Variants in VPS50 observed in about 807,000 individuals in gnomAD.
VPS50 encodes VPS50 subunit of EARP/GARPII complex, also known as syndetin.
In VPS50, 70 loss-of-function variants were observed where a neutral mutation model predicts 139.7. The ratio of observed to expected loss-of-function variants is 0.50; its 90% CI spans 0.41 to 0.61. The LOEUF (loss-of-function observed/expected upper bound fraction) is 0.61, where lower values mean the gene tolerates loss of function less well. Among genes scored for constraint, VPS50 ranks in the 20% least tolerant of loss-of-function variants. The probability of loss-of-function intolerance (pLI) is 0.00; values close to 1 mark genes in which losing one functional copy is unlikely to be tolerated. For missense variants in VPS50, 921 were observed against 1,133.7 expected (o/e 0.81, Z 2.69); for synonymous variants, 365 against 376.7 (o/e 0.97, Z 0.36).
chr7:93,249,304 C>CAGAG (rs994697486), intron 2 of VPS50, among the ~76,000 whole-genome samples: 1 of 149,282 alleles, frequency 6.7e-6, no homozygotes, highest in East Asian at 2.0e-4. Context: ...GAGAGAGACA[C>CAGAG]AGAGAGAGAG....
intron 6 of VPS50, 195 bp downstream of exon 6, chr7:93,257,659 G>T (rs896124894): frequency 3.1e-4 from 124 of 400,214 alleles, no homozygotes; most frequent in Non-Finnish European, 4.5e-4. Flanking sequence ...GTACTTATGG[G>T]TTTTAAAAAA....
At chr7:93,298,817 A>G (rs556107751) in intron 16 of VPS50, among the ~76,000 whole-genome samples, 12 of 152,302 alleles carry the variant, frequency 7.9e-5, no homozygotes, top group South Asian at 4.1e-4. Context: ...TTTCTCATTG[A>G]TGTGGCTGTG....
intron 2 of VPS50, among the ~76,000 whole-genome samples, chr7:93,250,928 A>T (rs1486582405): frequency 6.6e-6 from 1 of 152,236 alleles, no homozygotes; most frequent in Non-Finnish European, 1.5e-5. Flanking sequence ...ATATGAAAAA[A>T]AGCTCATCAT....
intron 25 of VPS50, among the ~76,000 whole-genome samples, chr7:93,353,138 A>G (rs1798604896): frequency 6.6e-6 from 1 of 152,174 alleles, no homozygotes; most frequent in African/African-American, 2.4e-5. Context: ...TAGATAAGGC[A>G]TCCTCAACCC....
At chr7:93,268,753 T>TTCTTTGCTATTCACATG (rs879702287) in intron 9 of VPS50, among the ~76,000 whole-genome samples, 2 of 152,138 alleles carry the variant, frequency 1.3e-5, no homozygotes, top group East Asian at 1.9e-4. Context: ...TTGACTCCAT[T>TTCTTTGCTATTCACATG]TCTTTGCTAT....
rs548264030 is a variant in VPS50 at position 93,331,368 on chromosome 7, C to G, written c.1978-2749C>G. On this transcript the variant is annotated intron_variant, in intron 21 of 27. Coordinates refer to ENST00000305866, the MANE Select transcript of VPS50 (RefSeq NM_017667.4). ...ATACCTGATTTCACAAAGACTTACTCCAGAGCTACAGTAGTTGATAAAATG... is the reference window on the plus strand; with the variant it reads ...ATACCTGATTTCACAAAGACTTACTGCAGAGCTACAGTAGTTGATAAAATG... 4.0e-5 allele frequency among the ~76,000 whole-genome samples: 6 copies of G among 151,896 alleles called. No homozygotes were observed. The South Asian group carries it at 1.2e-3, about 32-fold the overall frequency.
intron 21 of VPS50, among the ~76,000 whole-genome samples, chr7:93,324,356 A>G (rs1797706015): frequency 6.6e-6 from 1 of 152,042 alleles, no homozygotes. Context: ...GGGCATCCCT[A>G]TCTTGTGCCA....
chr7:93,292,293 T>A (rs1796670807), intron 13 of VPS50, among the ~76,000 whole-genome samples: 2 of 152,092 alleles, frequency 1.3e-5, no homozygotes, highest in Non-Finnish European at 2.9e-5. Context: ...AAGACTAGAA[T>A]TTCATTTTCA....
intron 1 of VPS50, among the ~76,000 whole-genome samples, chr7:93,237,738 G>C (rs1794857999): frequency 6.6e-6 from 1 of 152,098 alleles, no homozygotes. Context: ...CACTTATAAT[G>C]GGTTTAAAAA....
intron 21 of VPS50, among the ~76,000 whole-genome samples, chr7:93,328,402 G>A (rs1208460668): frequency 2.0e-5 from 3 of 152,016 alleles, no homozygotes; most frequent in Non-Finnish European, 4.4e-5. Context: ...TTAGTAAAAC[G>A]GTTTCTTTGT....
At chr7:93,290,499 C>T (rs920502083) in intron 12 of VPS50, among the ~76,000 whole-genome samples, 1 of 150,544 alleles carries the variant, frequency 6.6e-6, no homozygotes, top group Admixed American at 6.6e-5. Flanking sequence ...TTCTTATTTC[C>T]TCATATGTTT....
chr7:93,238,699 C>G (rs1384578470), intron 1 of VPS50, among the ~76,000 whole-genome samples: 1 of 152,020 alleles, frequency 6.6e-6, no homozygotes, highest in East Asian at 1.9e-4. Context: ...TTAACAAGTT[C>G]CCTGGGTGGT....
At chr7:93,327,577 A>G (rs1425133862) in intron 21 of VPS50, among the ~76,000 whole-genome samples, 1 of 152,222 alleles carries the variant, frequency 6.6e-6, no homozygotes, top group Non-Finnish European at 1.5e-5. Context: ...CTGATATTTT[A>G]TATTTAAACC....
At chr7:93,324,291 C>A (rs1267599802) in intron 21 of VPS50, among the ~76,000 whole-genome samples, 2 of 152,140 alleles carry the variant, frequency 1.3e-5, no homozygotes, top group African/African-American at 4.8e-5. Context: ...CCTTCTCCTG[C>A]CTAATTGCCC....
At chr7:93,288,166 G>T (rs1305119626) in intron 12 of VPS50, among the ~76,000 whole-genome samples, 1 of 152,064 alleles carries the variant, frequency 6.6e-6, no homozygotes, top group African/African-American at 2.4e-5. Context: ...GGGGAAAACC[G>T]CCCCGCCCTT....
Position 93,256,380 on chromosome 7 carries a change from G to A in VPS50, c.298-129G>A. 8.1e-6 allele frequency: 4 copies of A among 494,426 alleles called. No homozygotes were observed. The South Asian group carries it at 1.3e-4, about 16-fold the overall frequency. The allele number at this position is 494,426 out of a possible 1,614,324, so 30.6% of individuals were successfully genotyped here. A position where few individuals can be genotyped will look rare whatever the true frequency, so the allele number is the denominator to read the frequency against. The stretch of plus-strand genomic sequence containing the variant: ...AGGGAAATGTGTATGGCCATAGTAT[G>A]CCAATATCTGCTCCCAAAGTTATTG... On this transcript the variant is annotated intron_variant, in intron 4 of 27. Transcript: ENST00000305866.
intron 27 of VPS50, among the ~76,000 whole-genome samples, chr7:93,357,991 A>G (rs1199382820): frequency 6.6e-6 from 1 of 152,174 alleles, no homozygotes; most frequent in Non-Finnish European, 1.5e-5. Context: ...TGATGACTCA[A>G]TAACAAAGAC....
intron 2 of VPS50, among the ~76,000 whole-genome samples, chr7:93,249,359 GA>G (rs983614841): frequency 1.3e-5 from 2 of 150,484 alleles, no homozygotes; most frequent in African/African-American, 2.4e-5. Flanking sequence ...CTTTACAGGT[GA>G]AAAAAAAACT....
At chr7:93,339,975 C>T in intron 22 of VPS50, among the ~76,000 whole-genome samples, 1 of 151,982 alleles carries the variant, frequency 6.6e-6, no homozygotes, top group South Asian at 2.1e-4. Flanking sequence ...TACTGTAAAA[C>T]TCTATAGTTA....
Sources: gnomAD v4.1 joint callset for allele counts (sites outside exome capture counted in the v4.1 genomes callset) on GRCh38, gnomAD v4.1.1 for gene constraint, MANE v1.5 for transcripts, NCBI Gene and HGNC (gene_info 2026-07-23, HGNC 2026-07-21) for gene names.